The following TMEM132E variants were observed in gnomAD, a reference collection of about 807,000 sequenced individuals.
TMEM132E encodes transmembrane protein 132E.
Under a neutral mutation model 78.5 loss-of-function variants are expected in TMEM132E, and 49 were observed. The observed-to-expected ratio is 0.62, with a 90% CI of 0.50 to 0.79. The LOEUF (loss-of-function observed/expected upper bound fraction) is 0.79, where lower values mean the gene tolerates loss of function less well. TMEM132E is among the 30% of genes least tolerant of loss of function. The pLI is 0.00. For missense variants in TMEM132E, 1,403 were observed against 1,470.9 expected, an observed-to-expected ratio of 0.95 and a Z score of 0.75; for synonymous variants, 715 against 670.6, an observed-to-expected ratio of 1.07 and a Z score of -1.02.
chr17:34,637,135 C>A, intron 8 of TMEM132E, 42 bp from the exon 9 acceptor site: 1 of 1,538,822 alleles, frequency 6.5e-7, no homozygotes, highest in Non-Finnish European at 8.8e-7. Flanking sequence ...CCAGCTGAAC[C>A]AGCTCTTTGA....
chr17:34,581,481 GC>G (rs905309891), intron 1 of TMEM132E, among the ~76,000 whole-genome samples: 5 of 150,818 alleles, frequency 3.3e-5, no homozygotes, highest in African/African-American at 9.8e-5. Flanking sequence ...CGTCCAGGCC[GC>G]CCCCCGCCCC....
chr17:34,614,974 C>A (rs533624166), intron 1 of TMEM132E, among the ~76,000 whole-genome samples: 2 of 152,346 alleles, frequency 1.3e-5, no homozygotes, highest in South Asian at 4.1e-4. Flanking sequence ...ACCAGGGAAC[C>A]TTTCCTTGGC....
At chr17:34,619,615 G>A (rs1906895048) in intron 1 of TMEM132E, among the ~76,000 whole-genome samples, 1 of 151,998 alleles carries the variant, frequency 6.6e-6, no homozygotes, top group Non-Finnish European at 1.5e-5. Flanking sequence ...TGCTGTGCAA[G>A]TCACAGCCTC....
At position 34,637,117 on chromosome 17, in the gene TMEM132E, G is replaced by A. The variant is rs1907546259; in HGVS notation, c.2170-60G>A. On this transcript the variant is annotated intron_variant, in intron 8 of 8. Transcript: ENST00000631683. ...CTGCCCCTACAGAGCCCAGGATCTA[G>A]CAGGAAGCCAGCTGAACCAGCTCTT... 8 of 1,482,022 alleles carry A rather than the reference G, an allele frequency of 5.4e-6. No homozygotes were observed. In the South Asian group the frequency reaches 1.0e-4, roughly 19 times the overall value. The allele number at this position is 1,482,022 out of a possible 1,614,324, so 91.8% of individuals were successfully genotyped here.
intron 1 of TMEM132E, among the ~76,000 whole-genome samples, chr17:34,592,669 G>T (rs1161682132): frequency 1.3e-5 from 2 of 152,174 alleles, no homozygotes; most frequent in Non-Finnish European, 2.9e-5. Flanking sequence ...CATCTTGCAG[G>T]GTTGTTGAGG....
intron 1 of TMEM132E, among the ~76,000 whole-genome samples, chr17:34,623,410 C>CA (rs1254118665): frequency 6.6e-6 from 1 of 151,338 alleles, no homozygotes; most frequent in African/African-American, 2.4e-5. Context: ...CTCCCCCCCC[C>CA]CCCCCCGTCC....
At position 34,626,872 on chromosome 17, in the gene TMEM132E, C is replaced by A. The variant is rs749182307; in HGVS notation, c.813C>A (p.Ile271=). The A allele has an allele frequency of 6.2e-7, 1 of 1,609,776 alleles. No homozygotes were observed. Among genetic ancestry groups the A allele is most frequent in the Non-Finnish European group, 8.5e-7 (1 of 1,179,564 alleles). Residue 271 remains isoleucine, a synonymous_variant, in exon 2 of 9, where the codon ATC becomes ATA. Transcript: ENST00000631683. ...ESPTQHPLLR[I]GSISLFRPPP... ...CTACCCAGCACCCCCTGCTGCGCATCGGGAGCATCAGCCTGTTCCGCCCGC... is the reference window on the plus strand; with the variant it reads ...CTACCCAGCACCCCCTGCTGCGCATAGGGAGCATCAGCCTGTTCCGCCCGC...
At chr17:34,614,988 C>T (rs911118786) in intron 1 of TMEM132E, among the ~76,000 whole-genome samples, 1 of 152,170 alleles carries the variant, frequency 6.6e-6, no homozygotes, top group African/African-American at 2.4e-5. Context: ...CCTTGGCCTC[C>T]TCTTGGGATT....
chr17:34,629,917 G>T (rs572748716), intron 4 of TMEM132E, 91 bp from the exon 5 acceptor site: 5 of 1,410,882 alleles, frequency 3.5e-6, no homozygotes, highest in Non-Finnish European at 3.8e-6. Flanking sequence ...TGAGGAGTGG[G>T]GGGGGAGCGT....
At chr17:34,612,282 A>C (rs1487787373) in intron 1 of TMEM132E, among the ~76,000 whole-genome samples, 3 of 152,206 alleles carry the variant, frequency 2.0e-5, no homozygotes, top group African/African-American at 7.2e-5. Context: ...GCTAAGACTC[A>C]AAGCGCAGAA....
Position 34,637,827 on chromosome 17 carries a change from C to G in TMEM132E, c.2820C>G (p.Asn940Lys). 1 of 1,611,248 alleles carries G rather than the reference C, an allele frequency of 6.2e-7. No individual in the cohort carries two copies. The highest frequency in any genetic ancestry group is 1.1e-5 in the South Asian group (1 of 91,020). ...DHSHHWVFLGNGQPLRVQGEL... is the reference protein window; with the variant it reads ...DHSHHWVFLGKGQPLRVQGEL... The stretch of plus-strand genomic sequence containing the variant: ...CTCACCACTGGGTGTTCCTGGGCAA[C>G]GGGCAGCCGCTGCGGGTGCAAGGAG... The change falls in exon 9 of 9, where the codon AAC becomes AAG. Residue 940 changes from asparagine to lysine, a missense_variant. Asn to Lys is a moderately conservative substitution (Grantham distance 94). Transcript: ENST00000631683.
intron 1 of TMEM132E, among the ~76,000 whole-genome samples, chr17:34,598,078 G>A (rs1906116123): frequency 6.6e-6 from 1 of 152,130 alleles, no homozygotes. Flanking sequence ...TATAATACAT[G>A]TATTATATAT....
intron 1 of TMEM132E, among the ~76,000 whole-genome samples, chr17:34,616,964 GT>G (rs1906802276): frequency 6.6e-6 from 1 of 152,226 alleles, no homozygotes; most frequent in Non-Finnish European, 1.5e-5. Context: ...TTTAACCTCT[GT>G]TTGCTCCTTG....
intron 6 of TMEM132E, among the ~76,000 whole-genome samples, chr17:34,633,573 C>T (rs980410066): frequency 2.6e-5 from 4 of 152,180 alleles, no homozygotes; most frequent in Admixed American, 6.5e-5. Context: ...AAAAGCACAG[C>T]AGGGAAGAGA....
chr17:34,634,911 T>A lies in TMEM132E; in HGVS notation c.1801T>A (p.Phe601Ile), dbSNP rs1417633963. 6.2e-7 allele frequency: 1 copy of A among 1,614,126 alleles called. No homozygotes were observed. Among genetic ancestry groups the A allele is most frequent in the Non-Finnish European group, 8.5e-7 (1 of 1,180,024 alleles). ...TGCCACCCTGCAGGTCTTCACCCAG[T>A]TCCACACGACATCATCCGAGGGCAC... is the stretch of plus-strand genomic sequence containing the variant. ...QHATLQVFTQ[F>I]HTTSSEGTDQ... Residue 601 changes from phenylalanine to isoleucine, a missense_variant, in exon 7 of 9, where the codon TTC becomes ATC. This residue lies in a region of TMEM132E where 888 missense variants were observed against 952.8 expected (regional missense o/e 0.93). Transcript: ENST00000631683.
intron 2 of TMEM132E, among the ~76,000 whole-genome samples, chr17:34,627,472 G>GTA (rs1296140281): frequency 1.2e-4 from 14 of 118,678 alleles, no homozygotes; most frequent in African/African-American, 3.8e-4. Flanking sequence ...AGAATCGTGT[G>GTA]TGTGTGTGTG....
rs776045664 is a variant in TMEM132E at position 34,638,556 on chromosome 17, G to A, written c.*324G>A. On this transcript the variant is annotated 3_prime_UTR_variant, in exon 9 of 9. Transcript: ENST00000631683. ...CCCCCTGCCCCAAGAGTGAGGCAAG[G>A]AGGTCCAGCTTGGGGTCAGGTGGGC... 1 of 271,384 alleles carries A rather than the reference G, an allele frequency of 3.7e-6. No individual in the cohort carries two copies. The allele number at this position is 271,384 out of a possible 1,614,324, so 16.8% of individuals were successfully genotyped here.
rs746554290 is a variant in TMEM132E, at chr17:34,637,705, C to G, written c.2698C>G (p.Leu900Val). The G allele has an allele frequency of 3.1e-6, 5 of 1,612,690 alleles. No individual in the cohort carries two copies. The African/African-American group carries it at 6.7e-5, about 22-fold the overall frequency. The change falls in exon 9 of 9, where the codon CTC becomes GTC. Residue 900 changes from leucine to valine, a missense_variant. This residue lies in a region of TMEM132E where 888 missense variants were observed against 952.8 expected (regional missense o/e 0.93). Transcript: ENST00000631683. Reference protein sequence around the residue: ...GMYALLGVFCLAILVFLINCI... With the variant: ...GMYALLGVFCVAILVFLINCI... ...GTACGCGCTGCTGGGCGTCTTCTGC[C>G]TCGCCATCCTCGTCTTCCTCATCAA... is the stretch of plus-strand genomic sequence containing the variant.
Position 34,638,373 on chromosome 17 carries a change from G to T in TMEM132E, c.*141G>T. The T allele has an allele frequency of 1.1e-6, 1 of 939,628 alleles. No individual in the cohort carries two copies. Among genetic ancestry groups the T allele is most frequent in the Non-Finnish European group, 1.5e-6 (1 of 652,234 alleles). The allele number at this position is 939,628 out of a possible 1,614,324, so 58.2% of individuals were successfully genotyped here. On this transcript the variant is annotated 3_prime_UTR_variant, in exon 9 of 9. Coordinates refer to ENST00000631683, the MANE Select transcript of TMEM132E (RefSeq NM_001304438.2). Reference sequence around the variant, plus strand: ...CTGCCCCTGCAGCTTGGCTCCGTGCGGAGCGGGCCGCCTCAGTGTCTGGGC... The same window carrying T: ...CTGCCCCTGCAGCTTGGCTCCGTGCTGAGCGGGCCGCCTCAGTGTCTGGGC...
Sources: allele counts gnomAD v4.1 joint callset (sites outside exome capture counted in the v4.1 genomes callset), GRCh38; gene constraint gnomAD v4.1.1; regional missense constraint gnomAD v4.1.1; transcripts MANE v1.5; gene names NCBI Gene and HGNC (gene_info 2026-07-23, HGNC 2026-07-21).